CPS1: variants seen among roughly 807,000 people sequenced by gnomAD.
The protein encoded by CPS1 is carbamoyl-phosphate synthase [ammonia], mitochondrial.
In CPS1, 109 loss-of-function variants were observed where a neutral mutation model predicts 174.6. That is an observed-to-expected ratio of 0.62 (90% CI 0.53 to 0.73). The LOEUF (loss-of-function observed/expected upper bound fraction) is 0.73, where lower values mean the gene tolerates loss of function less well. CPS1 is among the 30% of genes least tolerant of loss of function. The pLI is 0.00. For synonymous variants in CPS1, 637 were observed against 632.0 expected (o/e 1.01, Z -0.12); for missense variants, 1,689 against 1,821.9 (o/e 0.93, Z 1.33).
intron 33 of CPS1, among the ~76,000 whole-genome samples, chr2:210,665,962 T>C (rs1428790110): frequency 6.8e-6 from 1 of 147,024 alleles, no homozygotes. Flanking sequence ...AGTGTTCCTA[T>C]TTCTCCACAT....
At chr2:210,611,901 G>T (rs1213030626) in intron 19 of CPS1, among the ~76,000 whole-genome samples, 1 of 150,584 alleles carries the variant, frequency 6.6e-6, no homozygotes, top group Admixed American at 6.6e-5. Flanking sequence ...AGTGGTAAAA[G>T]ACTGACCTAA....
At chr2:210,554,421 C>T (rs1696837181), upstream of CPS1, among the ~76,000 whole-genome samples, 1 of 151,688 alleles carries the variant, frequency 6.6e-6, no homozygotes, top group African/African-American at 2.4e-5. Context: ...TGATTGTTGA[C>T]ATTTCTATGG....
At chr2:210,673,000 A>G (rs1701364284) in intron 34 of CPS1, 1 of 152,196 alleles carries the variant, frequency 6.6e-6, no homozygotes, top group Non-Finnish European at 1.5e-5. Flanking sequence ...TGGGCTAAAC[A>G]TTATCAAAAT....
intron 1 of CPS1, among the ~76,000 whole-genome samples, chr2:210,506,722 T>C (rs915226525): frequency 1.5e-4 from 23 of 152,240 alleles, no homozygotes; most frequent in Admixed American, 3.9e-4. Flanking sequence ...GAGAACTACG[T>C]GACGAATGCA....
intron 1 of CPS1, among the ~76,000 whole-genome samples, chr2:210,499,692 A>G (rs146732121): frequency 9.2e-5 from 14 of 152,244 alleles, no homozygotes; most frequent in African/African-American, 2.9e-4. Flanking sequence ...AGTTAGCTCC[A>G]GGACTTGGGA....
chr2:210,532,375 C>T (rs1696138754), intron 1 of CPS1, among the ~76,000 whole-genome samples: 1 of 152,086 alleles, frequency 6.6e-6, no homozygotes, highest in Non-Finnish European at 1.5e-5. Context: ...AAGAGAGCAC[C>T]TGATAAACTA....
At chr2:210,635,156 G>A (rs1700005712) in intron 21 of CPS1, among the ~76,000 whole-genome samples, 1 of 152,024 alleles carries the variant, frequency 6.6e-6, no homozygotes, top group Non-Finnish European at 1.5e-5. Flanking sequence ...TGTTGGCCAG[G>A]CTGGTCTCAA....
At chr2:210,499,930 T>A (rs1695098158) in intron 1 of CPS1, among the ~76,000 whole-genome samples, 1 of 152,086 alleles carries the variant, frequency 6.6e-6, no homozygotes, top group Admixed American at 6.6e-5. Context: ...ATGAAGAAAT[T>A]CCCAAGACTG....
chr2:210,656,413 A>T, intron 29 of CPS1, 112 bp from the exon 30 acceptor site: 1 of 750,488 alleles, frequency 1.3e-6, no homozygotes, highest in Non-Finnish European at 2.4e-6. Flanking sequence ...CAAGGGAACT[A>T]CTTAGTGCTC....
intron 1 of CPS1, among the ~76,000 whole-genome samples, chr2:210,560,515 A>G (rs150851908): frequency 6.6e-6 from 1 of 152,274 alleles, no homozygotes; most frequent in Non-Finnish European, 1.5e-5. Context: ...CTCATTTTTT[A>G]ACAATGGTGA....
rs1296891501 is a variant in CPS1 at position 210,642,782 on chromosome 2, G to A, written c.3141+117G>A. ...ATAGTAATTCCTCTTAGAAGAAAGGGCTGCCAGTGGCATCCATTGTCTTAT... is the reference window on the plus strand; with the variant it reads ...ATAGTAATTCCTCTTAGAAGAAAGGACTGCCAGTGGCATCCATTGTCTTAT... On this transcript the variant is annotated intron_variant, in intron 25 of 37. Coordinates refer to ENST00000233072, the MANE Select transcript of CPS1 (RefSeq NM_001875.5). The A allele has an allele frequency of 9.8e-6, 9 of 920,164 alleles. No homozygotes were observed. The East Asian group carries it at 1.6e-4, about 16-fold the overall frequency. The allele number at this position is 920,164 out of a possible 1,614,324, so 57.0% of individuals were successfully genotyped here.
At chr2:210,487,522 T>A (rs1303532413) in intron 1 of CPS1, among the ~76,000 whole-genome samples, 1 of 152,182 alleles carries the variant, frequency 6.6e-6, no homozygotes, top group Non-Finnish European at 1.5e-5. Flanking sequence ...ACACTTTACA[T>A]AAAATAGAAA....
At chr2:210,625,446 A>G (rs866707054) in intron 21 of CPS1, among the ~76,000 whole-genome samples, 2 of 152,112 alleles carry the variant, frequency 1.3e-5, no homozygotes, top group Non-Finnish European at 2.9e-5. Context: ...GTTATCTCAT[A>G]CAAGTCTCGA....
At chr2:210,496,774 T>C (rs4672580) in intron 1 of CPS1, among the ~76,000 whole-genome samples, 126,454 of 152,086 alleles carry the variant, frequency 0.83, 53,592 homozygotes, top group Non-Finnish European at 0.92. Flanking sequence ...GAGACGTTTG[T>C]CCCACAGATA....
At chr2:210,497,193 C>T (rs1021719624) in intron 1 of CPS1, among the ~76,000 whole-genome samples, 1 of 152,006 alleles carries the variant, frequency 6.6e-6, no homozygotes, top group South Asian at 2.1e-4. Context: ...TGTTTTATAT[C>T]TACTTTTGTT....
At chr2:210,501,928 G>C (rs1425009177) in intron 1 of CPS1, among the ~76,000 whole-genome samples, 7 of 152,126 alleles carry the variant, frequency 4.6e-5, no homozygotes, top group Non-Finnish European at 1.0e-4. Flanking sequence ...TCCTGAAACT[G>C]TGTAATTTAT....
intron 1 of CPS1, among the ~76,000 whole-genome samples, chr2:210,519,345 CT>C (rs1695761234): frequency 6.6e-6 from 1 of 151,962 alleles, no homozygotes; most frequent in Admixed American, 6.6e-5. Flanking sequence ...ATTTCATATT[CT>C]TTTGATGCCA....
At position 210,663,200 on chromosome 2, in the gene CPS1, A is replaced by T. The variant is rs1700981652; in HGVS notation, c.4002+3A>T. On this transcript the variant is annotated splice_donor_region_variant and intron_variant, in intron 33 of 37. Coordinates refer to ENST00000233072, the MANE Select transcript of CPS1 (RefSeq NM_001875.5). ...GTGAGATGGCTTCCACTGGAGAGGT[A>T]ACTAGTTAATAATCCATGGAAGCTT... is the stretch of plus-strand genomic sequence containing the variant. The T allele has an allele frequency of 6.2e-7, 1 of 1,611,836 alleles. No homozygotes were observed. Among genetic ancestry groups the T allele is most frequent in the Admixed American group, 1.7e-5 (1 of 59,984 alleles).
intron 1 of CPS1, among the ~76,000 whole-genome samples, chr2:210,516,550 A>G (rs1160171976): frequency 1.3e-5 from 2 of 152,004 alleles, no homozygotes; most frequent in East Asian, 1.9e-4. Context: ...TCTAACACGC[A>G]TATCTGATCA....
Sources: gnomAD v4.1 joint callset for allele counts (sites outside exome capture counted in the v4.1 genomes callset) on GRCh38, gnomAD v4.1.1 for gene constraint, MANE v1.5 for transcripts, NCBI Gene and HGNC (gene_info 2026-07-23, HGNC 2026-07-21) for gene names.